Variants in RPS6KA2 observed in about 807,000 individuals in gnomAD.
The protein encoded by RPS6KA2 is ribosomal protein S6 kinase alpha-2.
In RPS6KA2, 42 loss-of-function variants were observed where a neutral mutation model predicts 91.8. The ratio of observed to expected loss-of-function variants is 0.46; its 90% CI spans 0.36 to 0.59. The LOEUF (loss-of-function observed/expected upper bound fraction) is 0.59. RPS6KA2 is among the 20% of genes least tolerant of loss of function. The pLI, the probability that RPS6KA2 is intolerant of heterozygous loss-of-function variation, is 0.00. For missense variants in RPS6KA2, 798 were observed against 978.5 expected (o/e 0.82, Z 2.46); for synonymous variants, 414 against 393.6 (o/e 1.05, Z -0.61).
chr6:166,520,816 A>G (rs1456168902), intron 3 of RPS6KA2, among the ~76,000 whole-genome samples: 1 of 152,232 alleles, frequency 6.6e-6, no homozygotes, highest in African/African-American at 2.4e-5. Flanking sequence ...GGAAGTCAGT[A>G]TGGACCAGCC....
chr6:166,617,291 T>A (rs1342454874), intron 1 of RPS6KA2, among the ~76,000 whole-genome samples: 1 of 152,238 alleles, frequency 6.6e-6, no homozygotes, highest in African/African-American at 2.4e-5. Flanking sequence ...CATTAATACA[T>A]GTGGAAATCT....
chr6:166,528,341 G>T (rs1783138270), intron 3 of RPS6KA2, among the ~76,000 whole-genome samples: 1 of 152,056 alleles, frequency 6.6e-6, no homozygotes, highest in Non-Finnish European at 1.5e-5. Context: ...TTTAATAAAT[G>T]GTGCTGGGAA....
intron 2 of RPS6KA2, among the ~76,000 whole-genome samples, chr6:166,668,522 T>G (rs375087955): frequency 1.3e-5 from 2 of 152,006 alleles, no homozygotes; most frequent in East Asian, 1.9e-4. Context: ...ATTGGCTGAG[T>G]AAGGCTGGAA....
chr6:166,734,257 C>G (rs1790610161), intron 2 of RPS6KA2, among the ~76,000 whole-genome samples: 1 of 152,204 alleles, frequency 6.6e-6, no homozygotes, highest in Non-Finnish European at 1.5e-5. Context: ...AGAACCCGAG[C>G]ACTCTTGCCT....
intron 2 of RPS6KA2, among the ~76,000 whole-genome samples, chr6:166,535,107 C>T (rs1163528773): frequency 6.6e-6 from 1 of 152,188 alleles, no homozygotes; most frequent in Non-Finnish European, 1.5e-5. Context: ...TAATACTCAA[C>T]CCAGTGGGCG....
chr6:166,767,475 C>A lies in RPS6KA2; in HGVS notation c.123+90725G>T, dbSNP rs542933669. On this transcript the variant is annotated intron_variant, in intron 2 of 21. Coordinates refer to the RPS6KA2 transcript ENST00000503859. The surrounding 1 kb of genome is among the most constrained non-coding windows in gnomAD (Gnocchi z 4.6). Reference sequence around the variant, plus strand: ...AGCCAGCTCGCGCTCCCTTCAGGATCCTACTTGGAAAATTAATTTTGTGAC... The same window carrying A: ...AGCCAGCTCGCGCTCCCTTCAGGATACTACTTGGAAAATTAATTTTGTGAC... Among the ~76,000 whole-genome samples, 8 of 152,222 alleles carry A rather than the reference C, an allele frequency of 5.3e-5. No homozygotes were observed. Among genetic ancestry groups the A allele is most frequent in the African/African-American group, 1.9e-4 (8 of 41,558 alleles).
intron 2 of RPS6KA2, among the ~76,000 whole-genome samples, chr6:166,794,521 T>C (rs1779173609): frequency 6.6e-6 from 1 of 151,182 alleles, no homozygotes; most frequent in Non-Finnish European, 1.5e-5. Flanking sequence ...ACCCAAAGGA[T>C]TATAAATCAT....
At chr6:166,592,676 C>G (rs989701050) in intron 1 of RPS6KA2, among the ~76,000 whole-genome samples, 3 of 113,098 alleles carry the variant, frequency 2.7e-5, no homozygotes, top group African/African-American at 1.1e-4. Flanking sequence ...AGCCACCGCA[C>G]AGAACTGTAC....
At chr6:166,793,254 T>A (rs1449017618) in intron 2 of RPS6KA2, among the ~76,000 whole-genome samples, 1 of 149,602 alleles carries the variant, frequency 6.7e-6, no homozygotes, top group African/African-American at 2.5e-5. Flanking sequence ...CCATTCACAA[T>A]TGCTTCAAAG....
rs2230732 is a variant in RPS6KA2 at position 166,498,574 on chromosome 6, C to T, written c.681G>A (p.Ala227=). The T allele has an allele frequency of 0.11, 169,860 of 1,612,984 alleles. 15,568 individuals are homozygous for T. The highest frequency in any genetic ancestry group is 0.48 in the African/African-American group (36,187 of 74,790). ...YSFCGTIEYM[A]PEVVNRRGHT... Reference sequence around the variant, plus strand: ...GTCCTCGCCGGTTCACCACCTCGGGCGCCATGTACTCGATCGTCCCGCAGA... The same window carrying T: ...GTCCTCGCCGGTTCACCACCTCGGGTGCCATGTACTCGATCGTCCCGCAGA... The change falls in exon 8 of 21, where the codon GCG becomes GCA. Residue 227 remains alanine (A), a synonymous_variant. Coordinates refer to ENST00000265678, the MANE Select transcript of RPS6KA2 (RefSeq NM_021135.6).
rs1201783903 is a variant in RPS6KA2, at chr6:166,435,826, G to A, written c.1333-3336C>T. Among the ~76,000 whole-genome samples the A allele has an allele frequency of 6.6e-6, 1 of 152,242 alleles. No homozygotes were observed. The highest frequency in any genetic ancestry group is 2.4e-5 in the African/African-American group (1 of 41,464). ...GTGGGTGTCTGCAGGCTCAGCTCCC[G>A]TGGAGGGCTGGAAAGGTGGAGGAAG... On this transcript the variant is annotated intron_variant, in intron 14 of 20. Coordinates refer to ENST00000265678, the MANE Select transcript of RPS6KA2 (RefSeq NM_021135.6). This position sits in a 1 kb window ranked among gnomAD's most constrained non-coding sequence, Gnocchi z 4.3.
chr6:166,745,509 A>G (rs1790976324), intron 2 of RPS6KA2, among the ~76,000 whole-genome samples: 1 of 151,954 alleles, frequency 6.6e-6, no homozygotes, highest in Non-Finnish European at 1.5e-5. Context: ...CACCTTCAAG[A>G]CCATTTTACC....
At chr6:166,521,709 G>T (rs59061765) in intron 3 of RPS6KA2, among the ~76,000 whole-genome samples, 5,114 of 152,246 alleles carry the variant, frequency 0.034, 272 homozygotes, top group African/African-American at 0.12. Context: ...CATATGATTT[G>T]GATGAGATGT....
chr6:166,795,092 T>G (rs988676067), intron 2 of RPS6KA2, among the ~76,000 whole-genome samples: 3 of 152,126 alleles, frequency 2.0e-5, no homozygotes, highest in African/African-American at 7.2e-5. Flanking sequence ...TATATTTTTC[T>G]CATTTTCTAC....
chr6:166,847,015 T>G (rs906036278), intron 2 of RPS6KA2, among the ~76,000 whole-genome samples: 1 of 152,060 alleles, frequency 6.6e-6, no homozygotes, highest in Admixed American at 6.5e-5. Flanking sequence ...TAAAAAAACC[T>G]AAAGACTCAT....
chr6:166,573,540 T>C (rs1000224870), intron 1 of RPS6KA2, among the ~76,000 whole-genome samples: 9 of 152,272 alleles, frequency 5.9e-5, no homozygotes, highest in Non-Finnish European at 1.3e-4. Context: ...GGTGCCTCCC[T>C]GCAGAATGTG....
intron 1 of RPS6KA2, among the ~76,000 whole-genome samples, chr6:166,566,725 T>C (rs1158458021): frequency 1.3e-5 from 2 of 152,204 alleles, no homozygotes; most frequent in Non-Finnish European, 2.9e-5. Context: ...CTGAGGTCTC[T>C]CAGCCAGGAG....
intron 1 of RPS6KA2, among the ~76,000 whole-genome samples, chr6:166,607,280 C>T (rs1785988119): frequency 6.6e-6 from 1 of 152,134 alleles, no homozygotes; most frequent in South Asian, 2.1e-4. Flanking sequence ...ATTCCACTCC[C>T]AGGTATAAAC....
chr6:166,639,233 A>G lies in RPS6KA2; in HGVS notation c.124-100449T>C, dbSNP rs79107262. 2.8e-3 allele frequency among the ~76,000 whole-genome samples: 432 copies of G among 152,306 alleles called. 2 individuals are homozygous for G. Among genetic ancestry groups the G allele is most frequent in the African/African-American group, 0.01 (421 of 41,570 alleles). ...GTATTGTCTTATGCAAGGCATAACC[A>G]TGTGCCCCGCTGCCCAAACCAGAAG... On this transcript the variant is annotated intron_variant, in intron 2 of 21. Coordinates refer to the RPS6KA2 transcript ENST00000503859. This position sits in a 1 kb window ranked among gnomAD's most constrained non-coding sequence, Gnocchi z 4.2.
Sources: allele counts gnomAD v4.1 joint callset (sites outside exome capture counted in the v4.1 genomes callset), GRCh38; gene constraint gnomAD v4.1.1; non-coding constraint Gnocchi (gnomAD v3.1); transcripts MANE v1.5; gene names NCBI Gene and HGNC (gene_info 2026-07-23, HGNC 2026-07-21).